The following OPCML variants were observed in gnomAD, a reference collection of about 807,000 sequenced individuals.
The protein encoded by OPCML is opioid binding protein/cell adhesion molecule like, also known as opioid-binding protein/cell adhesion molecule.
A neutral mutation model predicts 37.8 loss-of-function variants in OPCML; 13 were observed. The ratio of observed to expected loss-of-function variants is 0.34; its 90% confidence interval spans 0.22 to 0.55. The LOEUF (loss-of-function observed/expected upper bound fraction) is 0.55. OPCML is among the 20% of genes least tolerant of loss of function. The pLI, the probability that OPCML is intolerant of heterozygous loss-of-function variation, is 0.91. For synonymous variants in OPCML, 176 were observed against 168.8 expected (o/e 1.04, Z -0.33); for missense variants, 341 against 435.6 (o/e 0.78, Z 1.93).
rs531802123 is a variant in OPCML, at chr11:133,336,077, A to G, written c.61+196187T>C. Among the ~76,000 whole-genome samples the G allele has an allele frequency of 2.6e-5, 4 of 152,350 alleles. No homozygotes were observed. The South Asian group carries it at 8.3e-4, about 32-fold the overall frequency. On this transcript the variant is annotated intron_variant, in intron 1 of 7. Coordinates refer to ENST00000524381, the MANE Select transcript of OPCML (RefSeq NM_001012393.5). ...CAGGTTAGGAAATGGAATCAATATC[A>G]TTAAAGAAGTGGACTTCAGAACAAA...
intron 2 of OPCML, among the ~76,000 whole-genome samples, chr11:132,721,900 G>A (rs1944682495): frequency 6.6e-6 from 1 of 151,714 alleles, no homozygotes. Context: ...CTTTTAAGAG[G>A]GAGCTGTTTA....
At chr11:133,311,558 A>T (rs2136594166) in intron 1 of OPCML, among the ~76,000 whole-genome samples, 1 of 152,316 alleles carries the variant, frequency 6.6e-6, no homozygotes, top group African/African-American at 2.4e-5. Flanking sequence ...AGAAGAAATA[A>T]ACTCTAAATA....
chr11:132,687,657 A>G (rs187935529), intron 2 of OPCML, among the ~76,000 whole-genome samples: 57 of 151,958 alleles, frequency 3.8e-4, no homozygotes, highest in African/African-American at 1.1e-3. Context: ...TAATTTCACC[A>G]TCTGAGGTCA....
intron 3 of OPCML, among the ~76,000 whole-genome samples, chr11:132,573,012 GTAAA>G (rs2096442113): frequency 6.6e-6 from 1 of 151,494 alleles, no homozygotes; most frequent in Non-Finnish European, 1.5e-5. Flanking sequence ...TGATGTTATT[GTAAA>G]TGAGATTGAT....
intron 1 of OPCML, among the ~76,000 whole-genome samples, chr11:133,207,475 T>C (rs567289660): frequency 6.6e-6 from 1 of 152,296 alleles, no homozygotes; most frequent in South Asian, 2.1e-4. Context: ...GGGTTTAAAC[T>C]GTCATACCGT....
chr11:132,634,244 A>C (rs1940341065), intron 3 of OPCML, among the ~76,000 whole-genome samples: 1 of 152,178 alleles, frequency 6.6e-6, no homozygotes, highest in South Asian at 2.1e-4. Context: ...CTTTAGAGGA[A>C]AGTGGCTTCT....
intron 4 of OPCML, among the ~76,000 whole-genome samples, chr11:132,484,500 G>C (rs10894565): frequency 6.6e-6 from 1 of 151,958 alleles, no homozygotes; most frequent in Admixed American, 6.6e-5. Context: ...CACTGTGGAA[G>C]TCAGTGTGGC....
intron 3 of OPCML, among the ~76,000 whole-genome samples, chr11:132,641,230 C>T (rs1164163909): frequency 6.6e-6 from 1 of 152,166 alleles, no homozygotes; most frequent in African/African-American, 2.4e-5. Flanking sequence ...CCACCACATC[C>T]TGAACATATA....
At chr11:132,465,350 C>T (rs7927840) in intron 4 of OPCML, among the ~76,000 whole-genome samples, 1,775 of 152,258 alleles carry the variant, frequency 0.012, 23 homozygotes, top group African/African-American at 0.037. Context: ...TTTCCTTATT[C>T]ACAACAAAGC....
In OPCML at chr11:133,427,760, T is replaced by C. The variant is rs912545487; in HGVS notation, c.61+104504A>G. Reference sequence around the variant, plus strand: ...GAACACCGAAATACACCAATAATCATGAGAAAGACAATAAATTATCAAAAA... The same window carrying C: ...GAACACCGAAATACACCAATAATCACGAGAAAGACAATAAATTATCAAAAA... On this transcript the variant is annotated intron_variant, in intron 1 of 7. Transcript: ENST00000524381. Among the ~76,000 whole-genome samples, 2 of 152,070 alleles carry C rather than the reference T, an allele frequency of 1.3e-5. 1 individual carries two copies. The highest frequency in any genetic ancestry group is 1.3e-4 in the Admixed American group (2 of 15,278).
chr11:133,196,157 C>A (rs778412330), intron 1 of OPCML, among the ~76,000 whole-genome samples: 14 of 152,176 alleles, frequency 9.2e-5, no homozygotes, highest in Non-Finnish European at 1.9e-4. Context: ...AACAAGGGGG[C>A]TTAACTAATT....
chr11:132,502,970 C>A (rs2096248766), intron 4 of OPCML, among the ~76,000 whole-genome samples: 1 of 152,118 alleles, frequency 6.6e-6, no homozygotes. Context: ...CACAGGAGTT[C>A]AGGGGTGACT....
At chr11:133,411,117 G>A (rs925718035) in intron 1 of OPCML, among the ~76,000 whole-genome samples, 1 of 152,202 alleles carries the variant, frequency 6.6e-6, no homozygotes, top group South Asian at 2.1e-4. Context: ...AGGTGATGCT[G>A]GGACCTAGAC....
intron 1 of OPCML, among the ~76,000 whole-genome samples, chr11:133,403,578 C>T (rs1257226687): frequency 1.3e-5 from 2 of 152,152 alleles, no homozygotes; most frequent in Non-Finnish European, 2.9e-5. Context: ...AGGCAGGTTA[C>T]TCTGTCTCAT....
chr11:133,134,148 G>A (rs953333556), intron 1 of OPCML, among the ~76,000 whole-genome samples: 3 of 151,882 alleles, frequency 2.0e-5, no homozygotes, highest in Non-Finnish European at 4.4e-5. Context: ...TTACCTGTGG[G>A]GCCAATAAAA....
chr11:133,060,184 C>T (rs188659230), intron 1 of OPCML, among the ~76,000 whole-genome samples: 1 of 148,368 alleles, frequency 6.7e-6, no homozygotes, highest in South Asian at 2.1e-4. Context: ...CTCCCTCTCC[C>T]TCTCCTTCTC....
At chr11:132,751,537 A>C (rs1945832957) in intron 2 of OPCML, among the ~76,000 whole-genome samples, 1 of 152,224 alleles carries the variant, frequency 6.6e-6, no homozygotes, top group South Asian at 2.1e-4. Flanking sequence ...CCATTTACTT[A>C]GCACCTTTTT....
At position 133,105,498 on chromosome 11, in the gene OPCML, G is replaced by T. The variant is rs116747418; in HGVS notation, c.62-162488C>A. On this transcript the variant is annotated intron_variant, in intron 1 of 7. Transcript: ENST00000524381. The stretch of plus-strand genomic sequence containing the variant: ...GAATTGAAATGAGCAGAAATCAAAG[G>T]TAAGGGAATTGTCTTAGAGAGACTT... 6.2e-3 allele frequency among the ~76,000 whole-genome samples: 950 copies of T among 152,322 alleles called. 2 individuals carry two copies. The highest frequency in any genetic ancestry group is 0.022 in the African/African-American group (902 of 41,570).
intron 1 of OPCML, among the ~76,000 whole-genome samples, chr11:133,029,340 A>G (rs1188034412): frequency 6.6e-6 from 1 of 152,232 alleles, no homozygotes; most frequent in Non-Finnish European, 1.5e-5. Context: ...AAATAGAACT[A>G]CCATTCGACC....
Sources: allele counts gnomAD v4.1 joint callset (sites outside exome capture counted in the v4.1 genomes callset), GRCh38; gene constraint gnomAD v4.1.1; transcripts MANE v1.5; gene names NCBI Gene and HGNC (gene_info 2026-07-23, HGNC 2026-07-21).